The following SUGCT variants were observed in gnomAD, a reference collection of about 807,000 sequenced individuals.
SUGCT encodes succinyl-CoA:glutarate CoA-transferase.
A neutral mutation model predicts 55.0 loss-of-function variants in SUGCT; 41 were observed. That is an observed-to-expected ratio of 0.74 (90% confidence interval 0.58 to 0.97). SUGCT has a LOEUF of 0.97. SUGCT is among the 50% of genes least tolerant of loss of function. The pLI is 0.00. For missense variants in SUGCT, 568 were observed against 547.8 expected (o/e 1.04, Z -0.37); for synonymous variants, 187 against 200.4 (o/e 0.93, Z 0.56).
At chr7:40,978,404 T>G in the SUGCT span, among the ~76,000 whole-genome samples, 1 of 152,120 alleles carries the variant, frequency 6.6e-6, no homozygotes, top group South Asian at 2.1e-4. Context: ...TTTCACTGAT[T>G]TATTCAAACA....
intron 12 of SUGCT, among the ~76,000 whole-genome samples, chr7:40,583,289 T>C (rs76920942): frequency 0.025 from 3,825 of 152,294 alleles, 156 homozygotes; most frequent in African/African-American, 0.089. Flanking sequence ...TTTCAAGTGA[T>C]TGAAGTTTTT....
chr7:40,549,241 G>A (rs1490575030), intron 12 of SUGCT, among the ~76,000 whole-genome samples: 1 of 152,128 alleles, frequency 6.6e-6, no homozygotes, highest in East Asian at 1.9e-4. Flanking sequence ...ATAAAATTCT[G>A]TCTCTTTCAA....
chr7:40,488,494 GA>G (rs1258228607), intron 11 of SUGCT, among the ~76,000 whole-genome samples: 2 of 152,090 alleles, frequency 1.3e-5, no homozygotes, highest in East Asian at 3.9e-4. Context: ...TCATTCTAAA[GA>G]TATAAGTAAT....
chr7:40,750,641 G>A lies in SUGCT; in HGVS notation c.1153+1144G>A, dbSNP rs181240874. Among the ~76,000 whole-genome samples the A allele has an allele frequency of 4.7e-4, 72 of 152,174 alleles. 2 individuals are homozygous for A. The highest frequency in any genetic ancestry group is 3.7e-3 in the Admixed American group (56 of 15,272). ...AACCTACCAGATAGTGACCACTCGC[G>A]CATGAAAAGAGTAAGAAGAGGGAAG... On this transcript the variant is annotated intron_variant, in intron 13 of 13. Transcript: ENST00000335693.
Position 40,277,507 on chromosome 7 carries a change from C to G in SUGCT, c.720+2851C>G, listed in dbSNP as rs555700287. Among the ~76,000 whole-genome samples, 3 of 152,112 alleles carry G rather than the reference C, an allele frequency of 2.0e-5. No homozygotes were observed. In the East Asian group the frequency reaches 5.8e-4, roughly 29 times the overall value. ...ACCCAGCCAGAGCCACTGTGCTGAG[C>G]AAGAGTTCTGTTTCTTTATTCATAA... is the stretch of plus-strand genomic sequence containing the variant. On this transcript the variant is annotated intron_variant, in intron 8 of 13. Transcript: ENST00000335693.
At chr7:40,167,385 G>A (rs934618413) in intron 1 of SUGCT, among the ~76,000 whole-genome samples, 7 of 152,234 alleles carry the variant, frequency 4.6e-5, no homozygotes, top group Non-Finnish European at 7.3e-5. Flanking sequence ...CAAAGGGCAG[G>A]TGGAAAGTTT....
At chr7:40,601,941 G>A (rs747191175) in intron 12 of SUGCT, among the ~76,000 whole-genome samples, 52 of 152,048 alleles carry the variant, frequency 3.4e-4, no homozygotes, top group Non-Finnish European at 6.9e-4. Context: ...CTGAGAGTTC[G>A]CATTTTAAAG....
At chr7:40,895,339 T>C in the SUGCT span, among the ~76,000 whole-genome samples, 1 of 151,684 alleles carries the variant, frequency 6.6e-6, no homozygotes, top group Admixed American at 6.6e-5. Context: ...AGGGAGAGGA[T>C]CAGAAAAAAA....
At chr7:40,998,093 G>T in the SUGCT span, among the ~76,000 whole-genome samples, 12 of 152,134 alleles carry the variant, frequency 7.9e-5, no homozygotes, top group Admixed American at 7.2e-4. Context: ...GTAGGTGTGG[G>T]CAGTGGCTCA....
At position 40,316,782 on chromosome 7, in the gene SUGCT, C is replaced by T; in HGVS notation, c.743C>T (p.Ala248Val). The change falls in exon 9 of 14, where the codon GCT (alanine) becomes GTT (valine). Residue 248 changes from alanine (A) to valine (V), a missense_variant. Ala to Val is a moderately conservative substitution (Grantham distance 64). Transcript: ENST00000335693. Reference protein sequence around the residue: ...SSQVACLSHIAANYLIGQKEA... With the variant: ...SSQVACLSHIVANYLIGQKEA... ...TAGGTGGCGTGTTTGTCTCACATAG[C>T]TGCAAATTATCTTATTGGTCAAAAG... 1.2e-6 allele frequency: 2 copies of T among 1,600,466 alleles called. No homozygotes were observed. The highest frequency in any genetic ancestry group is 1.7e-6 in the Non-Finnish European group (2 of 1,172,690).
the SUGCT span, among the ~76,000 whole-genome samples, chr7:40,903,398 A>G: frequency 6.6e-6 from 1 of 152,142 alleles, no homozygotes; most frequent in Non-Finnish European, 1.5e-5. Context: ...AAGGGGGAGA[A>G]GAGGGCCAGG....
At chr7:41,035,657 T>C in the SUGCT span, among the ~76,000 whole-genome samples, 1 of 152,248 alleles carries the variant, frequency 6.6e-6, no homozygotes, top group Non-Finnish European at 1.5e-5. Context: ...TGCAATTTTG[T>C]GGATTTTAAA....
At chr7:40,215,347 T>G (rs1787566400) in intron 6 of SUGCT, among the ~76,000 whole-genome samples, 1 of 152,022 alleles carries the variant, frequency 6.6e-6, no homozygotes, top group African/African-American at 2.4e-5. Flanking sequence ...AGAGACAGGA[T>G]TTTGCCTTGT....
At position 40,239,474 on chromosome 7, in the gene SUGCT, G is replaced by A. The variant is rs141297723; in HGVS notation, c.576+1748G>A. On this transcript the variant is annotated intron_variant, in intron 7 of 13. Transcript: ENST00000335693. ...ATTGCTCAATTCCATAGGCTCTCAT[G>A]TGGCCAAGACATTCTTTATTGTGAA... Among the ~76,000 whole-genome samples, 1,146 of 152,280 alleles carry A rather than the reference G, an allele frequency of 7.5e-3. 15 individuals carry two copies. Among genetic ancestry groups the A allele is most frequent in the African/African-American group, 0.026 (1,083 of 41,550 alleles).
In SUGCT at chr7:40,847,592, T is replaced by C. The variant is rs141200397; in HGVS notation, c.1154-12724T>C. 2.8e-3 allele frequency among the ~76,000 whole-genome samples: 423 copies of C among 152,026 alleles called. 1 individual carries two copies. Among genetic ancestry groups the C allele is most frequent in the African/African-American group, 9.8e-3 (408 of 41,470 alleles). Reference sequence around the variant, plus strand: ...TCACCACGCCTGGCTAATTTTTGTATTTTTAGTAGAGACAGTGTTTCACCA... The same window carrying C: ...TCACCACGCCTGGCTAATTTTTGTACTTTTAGTAGAGACAGTGTTTCACCA... On this transcript the variant is annotated intron_variant, in intron 13 of 13. Coordinates refer to ENST00000335693, the MANE Select transcript of SUGCT (RefSeq NM_001193313.2).
At chr7:40,845,440 G>A (rs926971037) in intron 13 of SUGCT, among the ~76,000 whole-genome samples, 3 of 152,178 alleles carry the variant, frequency 2.0e-5, no homozygotes, top group Admixed American at 2.0e-4. Context: ...AACAGCAGGG[G>A]AGAAGGATTG....
chr7:40,300,897 A>G (rs1794491478), intron 8 of SUGCT, among the ~76,000 whole-genome samples: 1 of 152,206 alleles, frequency 6.6e-6, no homozygotes, highest in South Asian at 2.1e-4. Flanking sequence ...GGATATTCTC[A>G]GTGTTCCTGT....
At chr7:40,529,107 AGG>A (rs1793953182) in intron 12 of SUGCT, among the ~76,000 whole-genome samples, 1 of 152,198 alleles carries the variant, frequency 6.6e-6, no homozygotes, top group Admixed American at 6.5e-5. Context: ...AGATCACTGA[AGG>A]GGAAGAAGAT....
chr7:40,932,200 G>T, the SUGCT span, among the ~76,000 whole-genome samples: 3 of 152,148 alleles, frequency 2.0e-5, no homozygotes, highest in Non-Finnish European at 2.9e-5. Context: ...TCATTCAGGA[G>T]CAGGTTGTTC....
Sources: gnomAD v4.1 joint callset for allele counts (sites outside exome capture counted in the v4.1 genomes callset) on GRCh38, gnomAD v4.1.1 for gene constraint, MANE v1.5 for transcripts, NCBI Gene and HGNC (gene_info 2026-07-23, HGNC 2026-07-21) for gene names.